LRP1B: variants seen among roughly 807,000 people sequenced by gnomAD.
The protein encoded by LRP1B is LDL receptor related protein 1B.
In LRP1B, 217 loss-of-function variants were observed where a neutral mutation model predicts 556.6. The observed-to-expected ratio is 0.39, with a 90% CI of 0.35 to 0.44. LRP1B has a LOEUF of 0.44. Among genes scored for constraint, LRP1B ranks in the 20% least tolerant of loss-of-function variants. The pLI is 1.00. For synonymous variants in LRP1B, 2,047 were observed against 1,865.8 expected (o/e 1.10, Z -2.50); for missense variants, 5,053 against 5,620.8 (o/e 0.90, Z 3.23).
chr2:141,189,628 T>C (rs1681411559), intron 6 of LRP1B, among the ~76,000 whole-genome samples: 1 of 151,404 alleles, frequency 6.6e-6, no homozygotes, highest in Non-Finnish European at 1.5e-5. Context: ...TGGCCTCAGC[T>C]TCTTCCTTTT....
At chr2:140,579,915 G>A (rs1021621718) in intron 43 of LRP1B, among the ~76,000 whole-genome samples, 1 of 152,138 alleles carries the variant, frequency 6.6e-6, no homozygotes, top group Non-Finnish European at 1.5e-5. Context: ...TTTCATTTCT[G>A]CTTTCCTTCT....
chr2:141,347,245 TAAAA>T (rs1688284451), intron 3 of LRP1B, among the ~76,000 whole-genome samples: 1 of 152,080 alleles, frequency 6.6e-6, no homozygotes, highest in Admixed American at 6.6e-5. Flanking sequence ...GAGTCAGGTA[TAAAA>T]ATTTTCCAGT....
chr2:141,770,154 ACTTTT>A (rs763996935), intron 2 of LRP1B, among the ~76,000 whole-genome samples: 10 of 150,434 alleles, frequency 6.6e-5, no homozygotes, highest in Admixed American at 6.0e-4. Flanking sequence ...AATGCTGGCT[ACTTTT>A]CTTTTTTTTT....
intron 7 of LRP1B, among the ~76,000 whole-genome samples, chr2:141,127,785 A>G (rs1701252323): frequency 6.6e-6 from 1 of 151,968 alleles, no homozygotes; most frequent in Non-Finnish European, 1.5e-5. Context: ...AAAAAAAATC[A>G]CGCTAAGAGT....
At chr2:140,674,112 C>T (rs930422024) in intron 41 of LRP1B, among the ~76,000 whole-genome samples, 1 of 151,782 alleles carries the variant, frequency 6.6e-6, no homozygotes, top group African/African-American at 2.4e-5. Context: ...CCACGCCTGG[C>T]TAATTTTTTG....
intron 11 of LRP1B, among the ~76,000 whole-genome samples, chr2:141,034,250 G>A (rs1039841137): frequency 6.6e-6 from 1 of 152,066 alleles, no homozygotes; most frequent in Admixed American, 6.6e-5. Flanking sequence ...TCTGATCGCT[G>A]ATGGTATATT....
Position 140,947,193 on chromosome 2 carries a change from A to ATTC in LRP1B, c.3136+3041_3136+3042insGAA, listed in dbSNP as rs144957234. On this transcript the variant is annotated intron_variant, in intron 20 of 90. Transcript: ENST00000389484. ...TAAAAATAAAATTTAACAAAAATAA[A>ATTC]TTTTTGAAAGTGATTTTAGAGAGAA... is the stretch of plus-strand genomic sequence containing the variant. Among the ~76,000 whole-genome samples, 802 of 152,328 alleles carry ATTC rather than the reference A, an allele frequency of 5.3e-3. 7 individuals carry two copies. Among genetic ancestry groups the ATTC allele is most frequent in the African/African-American group, 0.018 (757 of 41,584 alleles).
At chr2:140,673,909 A>G (rs751954627) in intron 41 of LRP1B, among the ~76,000 whole-genome samples, 55 of 151,194 alleles carry the variant, frequency 3.6e-4, no homozygotes, top group Non-Finnish European at 4.3e-4. Context: ...AACCCGCAAC[A>G]TATTTTACCC....
chr2:140,829,794 T>G (rs1006905698), intron 31 of LRP1B, among the ~76,000 whole-genome samples: 1 of 151,210 alleles, frequency 6.6e-6, no homozygotes, highest in Admixed American at 6.6e-5. Context: ...TAAATACAAT[T>G]GAGAATAAAA....
intron 20 of LRP1B, among the ~76,000 whole-genome samples, chr2:140,927,363 T>G (rs1032674391): frequency 6.6e-6 from 1 of 152,110 alleles, no homozygotes; most frequent in Non-Finnish European, 1.5e-5. Flanking sequence ...ATGATTAATT[T>G]TCCTGCAGTT....
chr2:140,276,789 G>T (rs758155308), intron 84 of LRP1B, among the ~76,000 whole-genome samples: 10 of 151,814 alleles, frequency 6.6e-5, no homozygotes, highest in Non-Finnish European at 1.2e-4. Context: ...TGCCATGGTG[G>T]ATATAATTAA....
At chr2:141,552,587 G>C (rs1685793665) in intron 2 of LRP1B, among the ~76,000 whole-genome samples, 1 of 151,994 alleles carries the variant, frequency 6.6e-6, no homozygotes, top group Non-Finnish European at 1.5e-5. Context: ...CTTTAGCACT[G>C]CTAGTGATAG....
chr2:140,257,274 C>T (rs1681736187), intron 86 of LRP1B, among the ~76,000 whole-genome samples: 1 of 151,964 alleles, frequency 6.6e-6, no homozygotes, highest in Non-Finnish European at 1.5e-5. Context: ...TATAGCAGTA[C>T]AATCTAAGAA....
chr2:141,913,421 C>T (rs1215125652), intron 1 of LRP1B, among the ~76,000 whole-genome samples: 1 of 152,058 alleles, frequency 6.6e-6, no homozygotes, highest in Non-Finnish European at 1.5e-5. Context: ...GGAGATCCTT[C>T]CCACTCTCCA....
intron 1 of LRP1B, among the ~76,000 whole-genome samples, chr2:142,098,143 G>A (rs1248171278): frequency 6.6e-6 from 1 of 151,756 alleles, no homozygotes; most frequent in South Asian, 2.1e-4. Context: ...CTACCACACA[G>A]CACCACACTA....
At chr2:140,291,053 GATAAA>G (rs1483880973) in intron 84 of LRP1B, among the ~76,000 whole-genome samples, 1 of 151,748 alleles carries the variant, frequency 6.6e-6, no homozygotes, top group Non-Finnish European at 1.5e-5. Context: ...TCACATATTA[GATAAA>G]ATAATGTGTC....
rs10654741 is a variant in LRP1B at position 140,272,258 on chromosome 2, A to AACACACACACAC, written c.13143-1924_13143-1913dup. 6.4e-3 allele frequency among the ~76,000 whole-genome samples: 962 copies of AACACACACACAC among 149,412 alleles called. 10 individuals carry two copies. The highest frequency in any genetic ancestry group is 0.014 in the African/African-American group (574 of 40,614). ...GGCATTCAGCGTATGTGCACACACA[A>AACACACACACAC]ACACACACACACACACACACACACA... On this transcript the variant is annotated intron_variant, in intron 85 of 90. Coordinates refer to ENST00000389484, the MANE Select transcript of LRP1B (RefSeq NM_018557.3).
chr2:140,818,733 G>A (rs954706546), intron 31 of LRP1B, among the ~76,000 whole-genome samples: 6 of 151,902 alleles, frequency 3.9e-5, no homozygotes, highest in Non-Finnish European at 5.9e-5. Flanking sequence ...TTAAGAGGTC[G>A]AGACCAGCCT....
intron 32 of LRP1B, among the ~76,000 whole-genome samples, chr2:140,810,841 A>T (rs1156287900): frequency 6.6e-6 from 1 of 152,004 alleles, no homozygotes; most frequent in African/African-American, 2.4e-5. Context: ...GGTTCAAGCG[A>T]TTCTCCTGCC....
Sources: allele counts gnomAD v4.1 joint callset (sites outside exome capture counted in the v4.1 genomes callset), GRCh38; gene constraint gnomAD v4.1.1; transcripts MANE v1.5; gene names NCBI Gene and HGNC (gene_info 2026-07-23, HGNC 2026-07-21).